Variants in PKP4 observed in about 807,000 individuals in gnomAD.
The protein encoded by PKP4 is plakophilin-4.
A neutral mutation model predicts 145.1 loss-of-function variants in PKP4; 90 were observed. The observed-to-expected ratio is 0.62, with a 90% CI of 0.52 to 0.74. The LOEUF is 0.74. PKP4 is among the 30% of genes least tolerant of loss of function. The pLI, the probability that PKP4 is intolerant of heterozygous loss-of-function variation, is 0.00. For missense variants in PKP4, 1,340 were observed against 1,482.7 expected, an observed-to-expected ratio of 0.90 and a Z score of 1.58; for synonymous variants, 563 against 577.2, an observed-to-expected ratio of 0.98 and a Z score of 0.35.
chr2:158,481,548 G>A (rs1411997073), intron 1 of PKP4, among the ~76,000 whole-genome samples: 2 of 152,058 alleles, frequency 1.3e-5, no homozygotes, highest in Admixed American at 6.5e-5. Context: ...TCTCACCAAC[G>A]CATGTTATTG....
intron 11 of PKP4, among the ~76,000 whole-genome samples, chr2:158,646,492 G>C (rs1278637127): frequency 6.6e-6 from 1 of 152,060 alleles, no homozygotes; most frequent in African/African-American, 2.4e-5. Context: ...TGCTTTTTTT[G>C]TGTGTGTACA....
chr2:158,513,756 G>A (rs536099281), intron 1 of PKP4, among the ~76,000 whole-genome samples: 12 of 152,260 alleles, frequency 7.9e-5, no homozygotes, highest in South Asian at 2.1e-4. Context: ...TTTAAAGGCT[G>A]TGGAGACAAT....
chr2:158,652,309 C>T (rs1365346354), intron 11 of PKP4, among the ~76,000 whole-genome samples: 2 of 152,168 alleles, frequency 1.3e-5, no homozygotes, highest in Non-Finnish European at 2.9e-5. Flanking sequence ...CAGGTCTATA[C>T]TGCATTTGGG....
chr2:158,488,444 T>C (rs1694488822), intron 1 of PKP4, among the ~76,000 whole-genome samples: 1 of 152,212 alleles, frequency 6.6e-6, no homozygotes, highest in Non-Finnish European at 1.5e-5. Flanking sequence ...ATGTGCTCTT[T>C]TTTTATGTTT....
At chr2:158,660,695 G>A (rs1434880610) in intron 12 of PKP4, 1 of 152,254 alleles carries the variant, frequency 6.6e-6, no homozygotes, top group Non-Finnish European at 1.5e-5. Flanking sequence ...TTTTCTGGGT[G>A]TTTTATAATT....
At chr2:158,530,240 C>G (rs978647155) in intron 1 of PKP4, among the ~76,000 whole-genome samples, 6 of 152,176 alleles carry the variant, frequency 3.9e-5, no homozygotes, top group African/African-American at 1.4e-4. Context: ...GAATCTCACC[C>G]AAGATCTGTG....
intron 3 of PKP4, among the ~76,000 whole-genome samples, chr2:158,583,315 A>T (rs1485731263): frequency 6.6e-6 from 1 of 151,844 alleles, no homozygotes. Context: ...GTACCTATCT[A>T]CTCCTCCCTA....
At chr2:158,562,666 T>C (rs2105741999) in intron 2 of PKP4, among the ~76,000 whole-genome samples, 1 of 152,324 alleles carries the variant, frequency 6.6e-6, no homozygotes, top group African/African-American at 2.4e-5. Context: ...TATACATATA[T>C]CATCACCTGT....
chr2:158,465,056 ACTGT>A (rs1249868439), intron 1 of PKP4, among the ~76,000 whole-genome samples: 1 of 152,212 alleles, frequency 6.6e-6, no homozygotes, highest in Non-Finnish European at 1.5e-5. Context: ...AGGGATACTT[ACTGT>A]CTGTGTTAGA....
At position 158,632,809 on chromosome 2, in the gene PKP4, A is replaced by C. The variant is rs187013999; in HGVS notation, c.1342+868A>C. Among the ~76,000 whole-genome samples, 205 of 152,262 alleles carry C rather than the reference A, an allele frequency of 1.3e-3. 1 individual carries two copies. The highest frequency in any genetic ancestry group is 4.8e-3 in the African/African-American group (200 of 41,552). Reference sequence around the variant, plus strand: ...CACTGAGGGATTTATCTTCTAATAAAATGTACCATTTCTAATAGACATTAA... The same window carrying C: ...CACTGAGGGATTTATCTTCTAATAACATGTACCATTTCTAATAGACATTAA... On this transcript the variant is annotated intron_variant, in intron 8 of 21. Coordinates refer to ENST00000389759, the MANE Select transcript of PKP4 (RefSeq NM_003628.6).
At chr2:158,521,692 G>A (rs527612690) in intron 1 of PKP4, among the ~76,000 whole-genome samples, 13 of 152,046 alleles carry the variant, frequency 8.6e-5, no homozygotes, top group African/African-American at 2.2e-4. Flanking sequence ...TTCTAGACTC[G>A]ATACCATATG....
chr2:158,477,459 C>G (rs574391762), intron 1 of PKP4, among the ~76,000 whole-genome samples: 6 of 152,272 alleles, frequency 3.9e-5, no homozygotes, highest in African/African-American at 1.4e-4. Context: ...AGAAGGAAAC[C>G]ATGCCAAAAT....
At position 158,566,453 on chromosome 2, in the gene PKP4, T is replaced by G. The variant is rs550901969; in HGVS notation, c.133-10818T>G. ...AATAAGCATCTAACATTAGGTGATA[T>G]GCATCATTGGTCTTAATAATTTTGA... On this transcript the variant is annotated intron_variant, in intron 2 of 21. Transcript: ENST00000389759. Among the ~76,000 whole-genome samples the G allele has an allele frequency of 5.9e-5, 9 of 151,456 alleles. No homozygotes were observed. In the South Asian group the frequency reaches 1.7e-3, roughly 28 times the overall value.
chr2:158,614,112 T>G (rs2051378201), intron 4 of PKP4, among the ~76,000 whole-genome samples: 2 of 152,272 alleles, frequency 1.3e-5, no homozygotes, highest in Admixed American at 1.3e-4. Flanking sequence ...TATGGCATTA[T>G]GGAATAATTA....
intron 1 of PKP4, among the ~76,000 whole-genome samples, chr2:158,509,428 G>A (rs1032573311): frequency 2.0e-5 from 3 of 152,186 alleles, no homozygotes; most frequent in Non-Finnish European, 2.9e-5. Context: ...AAAACAGTCT[G>A]TGAGGAAATG....
intron 1 of PKP4, among the ~76,000 whole-genome samples, chr2:158,515,170 A>G (rs1325894037): frequency 6.6e-6 from 1 of 152,226 alleles, no homozygotes; most frequent in Non-Finnish European, 1.5e-5. Flanking sequence ...TATCTGTGCA[A>G]CCAAAGTACC....
At chr2:158,469,867 G>A (rs1397140691) in intron 1 of PKP4, among the ~76,000 whole-genome samples, 3 of 152,156 alleles carry the variant, frequency 2.0e-5, no homozygotes, top group African/African-American at 4.8e-5. Context: ...TGTATTTCCT[G>A]AAGGTTTTTC....
chr2:158,521,175 G>A (rs531529286), intron 1 of PKP4, among the ~76,000 whole-genome samples: 1 of 152,184 alleles, frequency 6.6e-6, no homozygotes, highest in Non-Finnish European at 1.5e-5. Context: ...CCAAGGAGTG[G>A]TTCCCATTTA....
chr2:158,628,995 T>G (rs2053089849), intron 7 of PKP4, among the ~76,000 whole-genome samples: 1 of 152,192 alleles, frequency 6.6e-6, no homozygotes, highest in South Asian at 2.1e-4. Flanking sequence ...CTAGGTACAT[T>G]CACCTGTCTG....
Sources: allele counts gnomAD v4.1 joint callset (sites outside exome capture counted in the v4.1 genomes callset), GRCh38; gene constraint gnomAD v4.1.1; transcripts MANE v1.5; gene names NCBI Gene and HGNC (gene_info 2026-07-23, HGNC 2026-07-21).